LARGE1: variants seen among roughly 807,000 people sequenced by gnomAD.
LARGE1 encodes the protein xylosyl- and glucuronyltransferase LARGE1.
In LARGE1, 43 loss-of-function variants were observed where a neutral mutation model predicts 87.6. The ratio of observed to expected loss-of-function variants is 0.49; its 90% CI spans 0.38 to 0.63. LARGE1 has a LOEUF of 0.63. Ranked by LOEUF, LARGE1 falls within the 30% of genes least tolerant of loss-of-function variation. The pLI is 0.00. For missense variants in LARGE1, 802 were observed against 1,000.2 expected, an observed-to-expected ratio of 0.80 and a Z score of 2.67; for synonymous variants, 434 against 394.6, an observed-to-expected ratio of 1.10 and a Z score of -1.18.
At chr22:33,671,417 C>A (rs543362703) in intron 2 of LARGE1, among the ~76,000 whole-genome samples, 1 of 152,162 alleles carries the variant, frequency 6.6e-6, no homozygotes, top group Admixed American at 6.5e-5. Context: ...AAATGCTTTA[C>A]GAAGAAAAGT....
At position 33,583,203 on chromosome 22, in the gene LARGE1, C is replaced by T. The variant is rs540273251; in HGVS notation, c.616-18184G>A. ...GATCCATCTCCCCCACATCCCAGAT[C>T]TACCTTTCTGTCACAGCCACCATGT... On this transcript the variant is annotated intron_variant, in intron 5 of 14. Coordinates refer to ENST00000397394, the MANE Select transcript of LARGE1 (RefSeq NM_133642.5). Among the ~76,000 whole-genome samples the T allele has an allele frequency of 2.6e-4, 40 of 152,256 alleles. No homozygotes were observed. In the South Asian group the frequency reaches 3.5e-3, roughly 13 times the overall value.
chr22:33,689,660 G>T (rs2149332014), intron 2 of LARGE1, among the ~76,000 whole-genome samples: 1 of 152,054 alleles, frequency 6.6e-6, no homozygotes, highest in South Asian at 2.1e-4. Context: ...TGGACAGAAG[G>T]TCACACCTGT....
intron 6 of LARGE1, among the ~76,000 whole-genome samples, chr22:33,485,723 C>G (rs1275087280): frequency 6.6e-6 from 1 of 152,054 alleles, no homozygotes; most frequent in Admixed American, 6.6e-5. Flanking sequence ...CCATCAGTTC[C>G]AATGCCACAT....
the LARGE1 span, among the ~76,000 whole-genome samples, chr22:33,129,051 G>GCCTGCATAT: frequency 1.3e-5 from 2 of 152,282 alleles, no homozygotes; most frequent in African/African-American, 4.8e-5. Context: ...TATGTAGCAA[G>GCCTGCATAT]CCTGCATATC....
In LARGE1 at chr22:33,617,802, G is replaced by T. The variant is rs1358249907; in HGVS notation, c.491+8442C>A. Among the ~76,000 whole-genome samples, 4 of 152,312 alleles carry T rather than the reference G, an allele frequency of 2.6e-5. No homozygotes were observed. The East Asian group carries it at 7.7e-4, about 29-fold the overall frequency. ...TGCTTCCTCTCCAGCAGAGCCTGCA[G>T]ACTTCACTCTTAATGAGCAACGCTT... On this transcript the variant is annotated intron_variant, in intron 4 of 14. Transcript: ENST00000397394.
At chr22:33,398,188 C>T (rs2065813182) in intron 7 of LARGE1, among the ~76,000 whole-genome samples, 3 of 151,904 alleles carry the variant, frequency 2.0e-5, no homozygotes, top group Middle Eastern at 3.4e-3. Context: ...GCCTACTTTG[C>T]TAGTCTTTTC....
At chr22:33,873,675 A>T (rs1442180100) in intron 1 of LARGE1, among the ~76,000 whole-genome samples, 1 of 152,090 alleles carries the variant, frequency 6.6e-6, no homozygotes, top group Non-Finnish European at 1.5e-5. Context: ...CCCCATCACC[A>T]ATTCTGGCAC....
At position 33,636,012 on chromosome 22, in the gene LARGE1, C is replaced by T. The variant is rs535133541; in HGVS notation, c.409-9686G>A. Among the ~76,000 whole-genome samples, 52 of 152,180 alleles carry T rather than the reference C, an allele frequency of 3.4e-4. 1 individual carries two copies. Among genetic ancestry groups the T allele is most frequent in the African/African-American group, 1.2e-3 (50 of 41,508 alleles). On this transcript the variant is annotated intron_variant, in intron 3 of 14. Transcript: ENST00000397394. ...TGAGAACAAGGAGTCTCTTGGTGTC[C>T]CCTCCACGGCAAGGCACATAAATGG...
chr22:33,236,267 C>A (rs1926248068), intron 11 of LARGE1, among the ~76,000 whole-genome samples: 1 of 152,154 alleles, frequency 6.6e-6, no homozygotes, highest in Admixed American at 6.5e-5. Flanking sequence ...AGTGGAGAAA[C>A]ACCCCAGCTG....
At chr22:33,489,190 A>G (rs2069715351) in intron 6 of LARGE1, among the ~76,000 whole-genome samples, 1 of 152,234 alleles carries the variant, frequency 6.6e-6, no homozygotes, top group South Asian at 2.1e-4. Flanking sequence ...CAGGCAGCAG[A>G]AAAGTAAATA....
At chr22:33,357,920 T>C (rs1225928864) in intron 9 of LARGE1, among the ~76,000 whole-genome samples, 2 of 152,236 alleles carry the variant, frequency 1.3e-5, no homozygotes, top group Non-Finnish European at 2.9e-5. Flanking sequence ...AGGATGACTT[T>C]AGACTCATGA....
the LARGE1 span, among the ~76,000 whole-genome samples, chr22:33,117,454 C>A: frequency 1.4e-5 from 2 of 143,402 alleles, no homozygotes; most frequent in African/African-American, 2.6e-5. Flanking sequence ...TTTTTTTTAA[C>A]ATGTGAGGGT....
intron 7 of LARGE1, among the ~76,000 whole-genome samples, chr22:33,419,628 T>G (rs8135948): frequency 0.4 from 61,252 of 151,896 alleles, 12,874 homozygotes; most frequent in Non-Finnish European, 0.44. Flanking sequence ...GCTTTTCTGT[T>G]AGGGTTCCAC....
At chr22:33,379,930 G>A (rs1310421856) in intron 9 of LARGE1, among the ~76,000 whole-genome samples, 1 of 152,126 alleles carries the variant, frequency 6.6e-6, no homozygotes, top group Non-Finnish European at 1.5e-5. Context: ...TCTGTTCCAG[G>A]AACCAGGGAC....
Position 33,786,526 on chromosome 22 carries a change from G to A in LARGE1, c.-82-24968C>T, listed in dbSNP as rs114187412. ...CAAAATATTCCAACCTTATAAAGAGGTGCCTCAGAAGGAGGTTGGGGACCT... is the reference window on the plus strand; with the variant it reads ...CAAAATATTCCAACCTTATAAAGAGATGCCTCAGAAGGAGGTTGGGGACCT... On this transcript the variant is annotated intron_variant, in intron 1 of 14. Coordinates refer to ENST00000397394, the MANE Select transcript of LARGE1 (RefSeq NM_133642.5). Among the ~76,000 whole-genome samples, 685 of 152,286 alleles carry A rather than the reference G, an allele frequency of 4.5e-3. 3 individuals carry two copies. Among genetic ancestry groups the A allele is most frequent in the African/African-American group, 0.015 (629 of 41,556 alleles).
chr22:33,308,345 T>C (rs117779500), intron 11 of LARGE1, among the ~76,000 whole-genome samples: 184 of 152,280 alleles, frequency 1.2e-3, no homozygotes, highest in Non-Finnish European at 2.0e-3. Flanking sequence ...CTGTGTAGCA[T>C]ATCACACAGC....
At chr22:33,674,106 G>A (rs903370359) in intron 2 of LARGE1, among the ~76,000 whole-genome samples, 16 of 151,434 alleles carry the variant, frequency 1.1e-4, no homozygotes, top group East Asian at 2.0e-4. Context: ...ACTGCACCCC[G>A]CTAATTTTTT....
At chr22:33,244,178 G>A (rs989845389) in intron 11 of LARGE1, among the ~76,000 whole-genome samples, 1 of 150,098 alleles carries the variant, frequency 6.7e-6, no homozygotes, top group South Asian at 2.1e-4. Context: ...TGTATTTTTA[G>A]TAGAGACGGG....
At chr22:33,400,252 G>A (rs2065889074) in intron 7 of LARGE1, among the ~76,000 whole-genome samples, 2 of 152,206 alleles carry the variant, frequency 1.3e-5, no homozygotes, top group Admixed American at 1.3e-4. Flanking sequence ...AGTATTTTCT[G>A]CAGCTGTATA....
Sources: gnomAD v4.1 joint callset for allele counts (sites outside exome capture counted in the v4.1 genomes callset) on GRCh38, gnomAD v4.1.1 for gene constraint, MANE v1.5 for transcripts, NCBI Gene and HGNC (gene_info 2026-07-23, HGNC 2026-07-21) for gene names.